The following MYBL1 variants were observed in gnomAD, a reference collection of about 807,000 sequenced individuals.
MYBL1 encodes MYB proto-oncogene like 1.
MYBL1 carries 17 observed loss-of-function variants against 96.3 expected under a neutral mutation model. The observed-to-expected ratio is 0.18, with a 90% confidence interval of 0.12 to 0.26. The LOEUF (loss-of-function observed/expected upper bound fraction) is 0.26, where lower values mean the gene tolerates loss of function less well. Among genes scored for constraint, MYBL1 ranks in the 10% least tolerant of loss-of-function variants. MYBL1 has a pLI of 1.00. For synonymous variants in MYBL1, 282 were observed against 292.7 expected, an observed-to-expected ratio of 0.96 and a Z score of 0.37; for missense variants, 701 against 882.9, an observed-to-expected ratio of 0.79 and a Z score of 2.61.
At chr8:66,579,328 TA>T (rs1392638422) in intron 9 of MYBL1, among the ~76,000 whole-genome samples, 1 of 152,202 alleles carries the variant, frequency 6.6e-6, no homozygotes, top group East Asian at 1.9e-4. Flanking sequence ...TATATTTTCT[TA>T]TATTCATTTG....
At position 66,566,712 on chromosome 8, in the gene MYBL1, A is replaced by G; in HGVS notation, c.1922T>C (p.Leu641Pro). The change falls in exon 14 of 16, where the codon CTG becomes CCG. Residue 641 changes from leucine to proline, a missense_variant. Transcript: ENST00000522677. ...CATGTCTGAAATGTCTTCAGTCAACAGTTGAGTGCCTGATTCTTCTTTTTC... is the reference window on the plus strand; with the variant it reads ...CATGTCTGAAATGTCTTCAGTCAACGGTTGAGTGCCTGATTCTTCTTTTTC... ...NWEKEESGTQ[L>P]LTEDISDMQS... The G allele has an allele frequency of 1.2e-6, 2 of 1,606,508 alleles. No individual in the cohort carries two copies. Among genetic ancestry groups the G allele is most frequent in the South Asian group, 1.1e-5 (1 of 90,434 alleles).
chr8:66,584,290 CT>C (rs1169417566), intron 8 of MYBL1, among the ~76,000 whole-genome samples: 3 of 152,136 alleles, frequency 2.0e-5, no homozygotes, highest in Non-Finnish European at 4.4e-5. Flanking sequence ...AAGTTGAAAG[CT>C]TTTTCTCTAA....
intron 1 of MYBL1, among the ~76,000 whole-genome samples, chr8:66,609,328 G>C (rs1810438427): frequency 6.6e-6 from 1 of 151,876 alleles, no homozygotes; most frequent in Non-Finnish European, 1.5e-5. Context: ...CTAAAAGAAA[G>C]AGAAATACCG....
chr8:66,580,449 C>T, intron 8 of MYBL1, 83 bp from the exon 9 acceptor site: 1 of 899,140 alleles, frequency 1.1e-6, no homozygotes, highest in Non-Finnish European at 1.7e-6. Flanking sequence ...TTCAATTAGG[C>T]TAAAAACATA....
rs946575082 is a variant in MYBL1 at position 66,596,301 on chromosome 8, C to T, written c.513-544G>A. 8.5e-5 allele frequency among the ~76,000 whole-genome samples: 13 copies of T among 152,218 alleles called. No homozygotes were observed. In the East Asian group the frequency reaches 2.5e-3, roughly 29 times the overall value. On this transcript the variant is annotated intron_variant, in intron 5 of 15. Coordinates refer to ENST00000522677, the MANE Select transcript of MYBL1 (RefSeq NM_001080416.4). Reference sequence around the variant, plus strand: ...ACTAAAGAATCCCAGTATTCTTTTTCACTTCTTAGAACAAAATATTTATGG... The same window carrying T: ...ACTAAAGAATCCCAGTATTCTTTTTTACTTCTTAGAACAAAATATTTATGG...
Position 66,576,370 on chromosome 8 carries a change from A to G in MYBL1, c.1107T>C (p.Pro369=), listed in dbSNP as rs1246569048. The change falls in exon 10 of 16, where the codon CCT becomes CCC. Residue 369 remains proline (P), a synonymous_variant. Coordinates refer to ENST00000522677, the MANE Select transcript of MYBL1 (RefSeq NM_001080416.4). Reference sequence around the variant, plus strand: ...AACTGGTAACGTCACTCCATGCTACAGGATCCTGCAATAAATTAAACTGTT... The same window carrying G: ...AACTGGTAACGTCACTCCATGCTACGGGATCCTGCAATAAATTAAACTGTT... ...AETLELIESD[P]VAWSDVTSFD... The G allele has an allele frequency of 3.1e-6, 5 of 1,600,708 alleles. No homozygotes were observed. Among genetic ancestry groups the G allele is most frequent in the Non-Finnish European group, 4.3e-6 (5 of 1,175,260 alleles).
At chr8:66,591,564 C>A (rs1809647502) in intron 8 of MYBL1, among the ~76,000 whole-genome samples, 1 of 151,964 alleles carries the variant, frequency 6.6e-6, no homozygotes, top group South Asian at 2.1e-4. Context: ...TATAAAATTT[C>A]TTCTTTTAGA....
At chr8:66,586,880 C>T (rs1809441016) in intron 8 of MYBL1, among the ~76,000 whole-genome samples, 1 of 152,066 alleles carries the variant, frequency 6.6e-6, no homozygotes, top group Non-Finnish European at 1.5e-5. Context: ...GAAATTCTAT[C>T]ATTTGTGGCA....
intron 4 of MYBL1, 106 bp from the exon 5 acceptor site, chr8:66,597,656 C>A (rs1809902806): frequency 1.4e-6 from 1 of 704,046 alleles, no homozygotes; most frequent in East Asian, 2.8e-5. Flanking sequence ...CAAGCCACAA[C>A]TACAATTTGT....
intron 8 of MYBL1, among the ~76,000 whole-genome samples, chr8:66,591,430 A>G (rs1313077627): frequency 6.6e-6 from 1 of 152,144 alleles, no homozygotes; most frequent in African/African-American, 2.4e-5. Context: ...TAACCAATCT[A>G]GCATAACCTG....
At chr8:66,582,698 G>C (rs181613085) in intron 8 of MYBL1, among the ~76,000 whole-genome samples, 371 of 145,332 alleles carry the variant, frequency 2.6e-3, no homozygotes, top group African/African-American at 9.1e-3. Flanking sequence ...AGCCTGGGGG[G>C]ACGGAGTGAA....
At chr8:66,592,316 AC>A (rs1325413730) in intron 8 of MYBL1, 123 bp downstream of exon 8, 7 of 683,898 alleles carry the variant, frequency 1.0e-5, no homozygotes, top group East Asian at 3.1e-5. Context: ...TTAAAAAAAA[AC>A]AAAACTATTT....
rs997852595 is a variant in MYBL1, at chr8:66,580,450, TA to T, written c.868-85del. The T allele has an allele frequency of 4.5e-6, 4 of 887,690 alleles. No homozygotes were observed. In the African/African-American group the frequency reaches 6.7e-5, roughly 15 times the overall value. The allele number at this position is 887,690 out of a possible 1,614,324, so 55.0% of individuals were successfully genotyped here. Reference sequence around the variant, plus strand: ...AGATTTCAACACATTTCAATTAGGCTAAAAACATAGTAGCAAATATTTTGTC... The same window carrying T: ...AGATTTCAACACATTTCAATTAGGCTAAAACATAGTAGCAAATATTTTGTC... On this transcript the variant is annotated intron_variant, in intron 8 of 15. Coordinates refer to ENST00000522677, the MANE Select transcript of MYBL1 (RefSeq NM_001080416.4).
intron 7 of MYBL1, 29 bp from the exon 8 acceptor site, chr8:66,592,573 A>G: frequency 7.7e-7 from 1 of 1,302,206 alleles, no homozygotes; most frequent in Non-Finnish European, 1.1e-6. Flanking sequence ...AAGAGAAAAC[A>G]GGATGCTTAT....
At chr8:66,567,270 A>C (rs1028125001) in intron 12 of MYBL1, among the ~76,000 whole-genome samples, 14 of 152,236 alleles carry the variant, frequency 9.2e-5, no homozygotes, top group African/African-American at 3.4e-4. Flanking sequence ...CAGGATCTTC[A>C]GAATTAAACA....
intron 3 of MYBL1, 148 bp downstream of exon 3, chr8:66,601,550 A>G: frequency 1.9e-6 from 1 of 522,354 alleles, no homozygotes; most frequent in Non-Finnish European, 3.5e-6. Context: ...GCCATTAGCA[A>G]CCAACTAGAG....
At chr8:66,567,960 T>C (rs1808572745) in intron 12 of MYBL1, among the ~76,000 whole-genome samples, 2 of 151,356 alleles carry the variant, frequency 1.3e-5, no homozygotes, top group Admixed American at 6.6e-5. Flanking sequence ...GGCATGAGAA[T>C]TGCTTGAACC....
intron 9 of MYBL1, 107 bp downstream of exon 9, chr8:66,580,026 C>T (rs1009475227): frequency 2.5e-6 from 2 of 788,994 alleles, no homozygotes; most frequent in Admixed American, 2.8e-5. Flanking sequence ...CAAAATTAAG[C>T]ATGGCATACA....
chr8:66,590,682 C>G (rs1012552675), intron 8 of MYBL1, among the ~76,000 whole-genome samples: 1 of 146,438 alleles, frequency 6.8e-6, no homozygotes, highest in Non-Finnish European at 1.5e-5. Context: ...GACTCTGTCT[C>G]AAAAAAAAAT....
Sources: gnomAD v4.1 joint callset for allele counts (sites outside exome capture counted in the v4.1 genomes callset) on GRCh38, gnomAD v4.1.1 for gene constraint, MANE v1.5 for transcripts, NCBI Gene and HGNC (gene_info 2026-07-23, HGNC 2026-07-21) for gene names.